KCNT2: variants seen among roughly 807,000 people sequenced by gnomAD.
KCNT2 encodes potassium channel subfamily T member 2.
KCNT2 carries 67 observed loss-of-function variants against 153.8 expected under a neutral mutation model. The ratio of observed to expected loss-of-function variants is 0.44; its 90% CI spans 0.36 to 0.53. The LOEUF (loss-of-function observed/expected upper bound fraction) is 0.53, where lower values mean the gene tolerates loss of function less well. Ranked by LOEUF, KCNT2 falls within the 20% of genes least tolerant of loss-of-function variation. KCNT2 has a pLI of 0.00. For synonymous variants in KCNT2, 500 were observed against 458.8 expected, an observed-to-expected ratio of 1.09 and a Z score of -1.15; for missense variants, 975 against 1,354.8, an observed-to-expected ratio of 0.72 and a Z score of 4.40.
chr1:196,505,494 G>T (rs9730086), intron 1 of KCNT2, among the ~76,000 whole-genome samples: 140,896 of 143,728 alleles, frequency 0.98, 69,101 homozygotes, highest in East Asian at 1. Context: ...TAGCCTTGTA[G>T]TATAGTTTGA....
intron 25 of KCNT2, among the ~76,000 whole-genome samples, chr1:196,277,731 A>G (rs1176214985): frequency 6.6e-6 from 1 of 152,174 alleles, no homozygotes; most frequent in African/African-American, 2.4e-5. Context: ...ATGGTTATTT[A>G]AATTTCAAAA....
In KCNT2 at chr1:196,527,934, C is replaced by T. The variant is rs112571115; in HGVS notation, c.96-35593G>A. On this transcript the variant is annotated intron_variant, in intron 1 of 27. Transcript: ENST00000294725. ...TAATCCTAAATTGTCAACTTTCTAGCCTCAAATTGCTTTCAGTTAACTATC... is the reference window on the plus strand; with the variant it reads ...TAATCCTAAATTGTCAACTTTCTAGTCTCAAATTGCTTTCAGTTAACTATC... Among the ~76,000 whole-genome samples, 274 of 152,276 alleles carry T rather than the reference C, an allele frequency of 1.8e-3. 1 individual carries two copies. The highest frequency in any genetic ancestry group is 6.4e-3 in the African/African-American group (265 of 41,562).
chr1:196,561,986 G>A (rs1659476526), intron 1 of KCNT2, among the ~76,000 whole-genome samples: 1 of 151,874 alleles, frequency 6.6e-6, no homozygotes, highest in African/African-American at 2.4e-5. Context: ...CGGGGATGAG[G>A]AGACCAAGGT....
intron 12 of KCNT2, among the ~76,000 whole-genome samples, chr1:196,422,845 A>G (rs1234782596): frequency 6.6e-6 from 1 of 152,030 alleles, no homozygotes; most frequent in South Asian, 2.1e-4. Context: ...GAATATTCAT[A>G]GAAACTATTT....
chr1:196,441,416 T>TAA (rs1675213293), intron 8 of KCNT2, among the ~76,000 whole-genome samples: 1 of 90,352 alleles, frequency 1.1e-5, no homozygotes, highest in African/African-American at 4.1e-5. Context: ...TTATATATTT[T>TAA]AAAATCTACT....
intron 11 of KCNT2, among the ~76,000 whole-genome samples, chr1:196,425,485 T>A (rs1673578841): frequency 6.6e-6 from 1 of 152,086 alleles, no homozygotes; most frequent in South Asian, 2.1e-4. Flanking sequence ...CCACAATTTT[T>A]ATATGTGGGA....
chr1:196,522,727 A>G (rs1653609822), intron 1 of KCNT2, among the ~76,000 whole-genome samples: 2 of 152,170 alleles, frequency 1.3e-5, no homozygotes, highest in South Asian at 2.1e-4. Context: ...AAAACGCAGC[A>G]ATCAGCACTA....
At chr1:196,551,170 C>G (rs1657845989) in intron 1 of KCNT2, among the ~76,000 whole-genome samples, 1 of 151,814 alleles carries the variant, frequency 6.6e-6, no homozygotes, top group Non-Finnish European at 1.5e-5. Flanking sequence ...TTAACTCATG[C>G]TTAGATATCC....
At chr1:196,402,906 T>C (rs926408184) in intron 12 of KCNT2, among the ~76,000 whole-genome samples, 1 of 151,640 alleles carries the variant, frequency 6.6e-6, no homozygotes, top group African/African-American at 2.4e-5. Flanking sequence ...TCTAAAGTGC[T>C]GAAAACACCA....
intron 1 of KCNT2, among the ~76,000 whole-genome samples, chr1:196,565,700 G>A (rs980926701): frequency 2.0e-5 from 3 of 151,460 alleles, no homozygotes; most frequent in Admixed American, 6.6e-5. Context: ...ATGATGTTAA[G>A]TGAAATAAGC....
chr1:196,538,992 TC>T (rs1261580744), intron 1 of KCNT2, among the ~76,000 whole-genome samples: 2 of 152,352 alleles, frequency 1.3e-5, no homozygotes, highest in Admixed American at 1.3e-4. Flanking sequence ...ATTACCCTCC[TC>T]TTTTTTGTTA....
chr1:196,410,342 T>A (rs1218201968), intron 12 of KCNT2, among the ~76,000 whole-genome samples: 2 of 151,266 alleles, frequency 1.3e-5, no homozygotes, highest in Non-Finnish European at 3.0e-5. Context: ...TAGTTTGATA[T>A]AATACCACTT....
At chr1:196,515,336 T>C (rs1170918000) in intron 1 of KCNT2, among the ~76,000 whole-genome samples, 6 of 152,226 alleles carry the variant, frequency 3.9e-5, no homozygotes, top group African/African-American at 1.4e-4. Flanking sequence ...AGGTTTCCAT[T>C]AACAGTCATT....
intron 1 of KCNT2, among the ~76,000 whole-genome samples, chr1:196,501,042 C>A (rs1027238601): frequency 6.6e-6 from 1 of 151,946 alleles, no homozygotes; most frequent in Non-Finnish European, 1.5e-5. Flanking sequence ...TATAAAAAGT[C>A]AAAAAACAAC....
At chr1:196,235,880 C>A in intron 27 of KCNT2, 106 bp downstream of exon 27, 3 of 656,344 alleles carry the variant, frequency 4.6e-6, no homozygotes, top group Non-Finnish European at 8.1e-6. Flanking sequence ...ACTATTTAAG[C>A]ACTTATAAGA....
chr1:196,508,805 G>T (rs1681365050), intron 1 of KCNT2, among the ~76,000 whole-genome samples: 1 of 152,142 alleles, frequency 6.6e-6, no homozygotes, highest in South Asian at 2.1e-4. Flanking sequence ...GCAGATATGT[G>T]AATCAAAGAT....
At chr1:196,488,605 T>A (rs931409686) in intron 3 of KCNT2, among the ~76,000 whole-genome samples, 9 of 152,174 alleles carry the variant, frequency 5.9e-5, no homozygotes, top group Admixed American at 5.2e-4. Context: ...TTTTTATTTA[T>A]AAATCACCAC....
At chr1:196,524,441 TA>T (rs1284067587) in intron 1 of KCNT2, among the ~76,000 whole-genome samples, 3 of 152,164 alleles carry the variant, frequency 2.0e-5, no homozygotes, top group Non-Finnish European at 4.4e-5. Flanking sequence ...TCCAGTGGTA[TA>T]AAATAACATG....
chr1:196,367,415 G>GA (rs1453214677), intron 14 of KCNT2, among the ~76,000 whole-genome samples: 1 of 151,940 alleles, frequency 6.6e-6, no homozygotes, highest in East Asian at 1.9e-4. Flanking sequence ...AAGATCCTTT[G>GA]ATTTACCATT....
Sources: allele counts gnomAD v4.1 joint callset (sites outside exome capture counted in the v4.1 genomes callset), GRCh38; gene constraint gnomAD v4.1.1; transcripts MANE v1.5; gene names NCBI Gene and HGNC (gene_info 2026-07-23, HGNC 2026-07-21).